FTCDNL1: variants seen among roughly 807,000 people sequenced by gnomAD.
FTCDNL1 encodes formiminotransferase N-terminal subdomain-containing protein.
FTCDNL1 carries 11 observed loss-of-function variants against 5.9 expected under a neutral mutation model. The ratio of observed to expected loss-of-function variants is 1.87; its 90% CI spans 1.18 to 3.10. The LOEUF is 3.10. FTCDNL1 is among the 30% of genes most tolerant of loss of function. The pLI is 0.00. For synonymous variants in FTCDNL1, 58 were observed against 24.8 expected (o/e 2.34, Z -3.99); for missense variants, 115 against 65.5 (o/e 1.76, Z -2.61).
chr2:199,705,239 A>G, the FTCDNL1 span, among the ~76,000 whole-genome samples: 2 of 152,224 alleles, frequency 1.3e-5, no homozygotes, highest in Admixed American at 6.5e-5. Flanking sequence ...GGTCTGGACA[A>G]CTAAAAGAAC....
intron 3 of FTCDNL1, among the ~76,000 whole-genome samples, chr2:199,776,593 T>C (rs1228315838): frequency 6.6e-6 from 1 of 152,156 alleles, no homozygotes; most frequent in Non-Finnish European, 1.5e-5. Context: ...TTACCAAAAC[T>C]GCACACAACC....
intron 3 of FTCDNL1, among the ~76,000 whole-genome samples, chr2:199,790,199 A>G (rs1249958300): frequency 2.0e-5 from 3 of 152,098 alleles, no homozygotes; most frequent in Non-Finnish European, 4.4e-5. Flanking sequence ...CACAGTGGCT[A>G]TAAGAAAAAA....
the FTCDNL1 span, among the ~76,000 whole-genome samples, chr2:199,710,897 T>G: frequency 6.6e-6 from 1 of 152,184 alleles, no homozygotes; most frequent in Non-Finnish European, 1.5e-5. Flanking sequence ...GTGGCAATAA[T>G]GACCTTACAA....
chr2:199,736,543 G>C, the FTCDNL1 span, among the ~76,000 whole-genome samples: 1 of 152,184 alleles, frequency 6.6e-6, no homozygotes, highest in Non-Finnish European at 1.5e-5. Context: ...TATGCCTTCT[G>C]TCTCATATTT....
the FTCDNL1 span, among the ~76,000 whole-genome samples, chr2:199,683,325 A>T: frequency 6.6e-6 from 1 of 152,114 alleles, no homozygotes; most frequent in Non-Finnish European, 1.5e-5. Flanking sequence ...GACTATTATA[A>T]GCCATGATGC....
At chr2:199,701,365 G>A in the FTCDNL1 span, among the ~76,000 whole-genome samples, 1 of 130,940 alleles carries the variant, frequency 7.6e-6, no homozygotes, top group African/African-American at 2.8e-5. Flanking sequence ...ACCGCATGCT[G>A]GCAAGGTTGC....
At chr2:199,765,234 T>C (rs1309647482) in intron 3 of FTCDNL1, among the ~76,000 whole-genome samples, 1 of 152,098 alleles carries the variant, frequency 6.6e-6, no homozygotes, top group Non-Finnish European at 1.5e-5. Flanking sequence ...TGAACCCGAA[T>C]GTTAACGATG....
chr2:199,753,385 C>T, the FTCDNL1 span, among the ~76,000 whole-genome samples: 32 of 152,294 alleles, frequency 2.1e-4, no homozygotes, highest in African/African-American at 7.7e-4. Flanking sequence ...CAGGACAGGG[C>T]CATGCTGTAC....
the FTCDNL1 span, among the ~76,000 whole-genome samples, chr2:199,752,745 T>C: frequency 4.9e-4 from 13 of 26,654 alleles, no homozygotes; most frequent in South Asian, 6.8e-3. Flanking sequence ...TCTCTCTGTG[T>C]GTGTGTGTGT....
the FTCDNL1 span, among the ~76,000 whole-genome samples, chr2:199,748,404 G>A: frequency 1.3e-5 from 2 of 152,226 alleles, no homozygotes; most frequent in African/African-American, 4.8e-5. Flanking sequence ...TGTCCATGGG[G>A]AAGTCTTACC....
chr2:199,728,311 A>C, the FTCDNL1 span, among the ~76,000 whole-genome samples: 1 of 151,246 alleles, frequency 6.6e-6, no homozygotes, highest in African/African-American at 2.4e-5. Flanking sequence ...GCAGTGGTGC[A>C]ATCTTGGCTC....
At chr2:199,771,313 C>G (rs1000905578) in intron 3 of FTCDNL1, among the ~76,000 whole-genome samples, 1 of 152,112 alleles carries the variant, frequency 6.6e-6, no homozygotes, top group African/African-American at 2.4e-5. Flanking sequence ...AGTATTCTAC[C>G]CCTTCCCATA....
chr2:199,725,040 C>T, the FTCDNL1 span, among the ~76,000 whole-genome samples: 1 of 152,240 alleles, frequency 6.6e-6, no homozygotes, highest in East Asian at 1.9e-4. Context: ...TCTCTAAGAA[C>T]TTGTTTTAAT....
chr2:199,819,526 T>TAAAA (rs761406357), intron 4 of FTCDNL1, 46 bp downstream of exon 4: 11 of 639,982 alleles, frequency 1.7e-5, no homozygotes, highest in South Asian at 8.1e-5. Flanking sequence ...ACCTCAAGTT[T>TAAAA]AAAAAAAAAA....
At chr2:199,807,094 A>G (rs992750562), downstream of FTCDNL1, among the ~76,000 whole-genome samples, 4 of 152,174 alleles carry the variant, frequency 2.6e-5, no homozygotes, top group African/African-American at 4.8e-5. Context: ...GGGTCGGGGT[A>G]TTTGTTAGCT....
the FTCDNL1 span, among the ~76,000 whole-genome samples, chr2:199,686,155 A>G: frequency 1.3e-5 from 2 of 152,334 alleles, no homozygotes; most frequent in East Asian, 3.9e-4. Flanking sequence ...GTGAACAGAG[A>G]TATGATCATA....
chr2:199,844,456 G>A (rs1246286985), intron 3 of FTCDNL1: 1 of 665,514 alleles, frequency 1.5e-6, no homozygotes, highest in Admixed American at 2.1e-5. Flanking sequence ...CTGCTCCCAG[G>A]CAAGGGTGGA....
the FTCDNL1 span, among the ~76,000 whole-genome samples, chr2:199,687,907 GC>G: frequency 6.6e-6 from 1 of 151,880 alleles, no homozygotes; most frequent in Non-Finnish European, 1.5e-5. Context: ...TATATCACTT[GC>G]CCAGTGTTAC....
chr2:199,731,153 TGGACACAGGGAG>T, the FTCDNL1 span, among the ~76,000 whole-genome samples: 1 of 152,002 alleles, frequency 6.6e-6, no homozygotes, highest in Non-Finnish European at 1.5e-5. Context: ...TGAGATCACA[TGGACACAGGGAG>T]GGGAACATCA....
Sources: allele counts gnomAD v4.1 joint callset (sites outside exome capture counted in the v4.1 genomes callset), GRCh38; gene constraint gnomAD v4.1.1; transcripts MANE v1.5; gene names NCBI Gene and HGNC (gene_info 2026-07-23, HGNC 2026-07-21).